The following PARD3 variants were observed in gnomAD, a reference collection of about 807,000 sequenced individuals.
The protein encoded by PARD3 is partitioning defective 3 homolog.
In PARD3, 75 loss-of-function variants were observed where a neutral mutation model predicts 155.4. The observed-to-expected ratio is 0.48, with a 90% CI of 0.40 to 0.58. PARD3 has a LOEUF of 0.58. PARD3 is among the 20% of genes least tolerant of loss of function. The pLI, the probability that PARD3 is intolerant of heterozygous loss-of-function variation, is 0.00. For missense variants in PARD3, 1,642 were observed against 1,721.7 expected (o/e 0.95, Z 0.82); for synonymous variants, 576 against 610.5 (o/e 0.94, Z 0.83).
chr10:34,690,141 G>A (rs1270702210), intron 2 of PARD3, among the ~76,000 whole-genome samples: 5 of 151,986 alleles, frequency 3.3e-5, no homozygotes, highest in South Asian at 2.1e-4. Flanking sequence ...ATGGGATTTC[G>A]CCATGCTGGC....
At chr10:34,351,005 G>C (rs1024915797) in intron 14 of PARD3, among the ~76,000 whole-genome samples, 2 of 152,224 alleles carry the variant, frequency 1.3e-5, no homozygotes, top group East Asian at 1.9e-4. Flanking sequence ...TATCCCAAAG[G>C]AAATAATAAG....
At chr10:34,540,202 A>G (rs1475145013) in intron 2 of PARD3, among the ~76,000 whole-genome samples, 6 of 152,126 alleles carry the variant, frequency 3.9e-5, no homozygotes, top group Non-Finnish European at 7.4e-5. Context: ...CACGCATTAG[A>G]GCAGGATTGC....
intron 21 of PARD3, 104 bp downstream of exon 21, chr10:34,284,031 A>C: frequency 1.4e-6 from 1 of 699,472 alleles, no homozygotes; most frequent in Non-Finnish European, 2.5e-6. Flanking sequence ...GGAAATATGA[A>C]GAGTAATTAA....
chr10:34,541,661 C>G (rs766517495), intron 2 of PARD3, among the ~76,000 whole-genome samples: 1 of 152,184 alleles, frequency 6.6e-6, no homozygotes, highest in Non-Finnish European at 1.5e-5. Context: ...TAAACTGCAG[C>G]TAATTTTTAA....
intron 20 of PARD3, among the ~76,000 whole-genome samples, chr10:34,301,182 T>C (rs1957129930): frequency 6.6e-6 from 1 of 152,142 alleles, no homozygotes; most frequent in African/African-American, 2.4e-5. Context: ...GCATCAGAGA[T>C]GCTAGCCACA....
At chr10:34,526,526 T>C (rs1564810626) in intron 2 of PARD3, among the ~76,000 whole-genome samples, 2 of 152,170 alleles carry the variant, frequency 1.3e-5, no homozygotes, top group African/African-American at 4.8e-5. Flanking sequence ...AGAGCTGAGA[T>C]CCTTAGTGGG....
chr10:34,623,160 G>A (rs2091790932), intron 2 of PARD3, among the ~76,000 whole-genome samples: 1 of 152,094 alleles, frequency 6.6e-6, no homozygotes, highest in Non-Finnish European at 1.5e-5. Flanking sequence ...TATAAGCTGG[G>A]CTTCGACAGT....
intron 7 of PARD3, among the ~76,000 whole-genome samples, chr10:34,394,078 C>T (rs995025231): frequency 8.6e-5 from 13 of 152,036 alleles, no homozygotes; most frequent in South Asian, 8.3e-4. Flanking sequence ...CTTCATGATC[C>T]GCCCGCCTCA....
At chr10:34,680,374 C>G (rs2093788318) in intron 2 of PARD3, among the ~76,000 whole-genome samples, 1 of 151,986 alleles carries the variant, frequency 6.6e-6, no homozygotes, top group Non-Finnish European at 1.5e-5. Flanking sequence ...GCCTGGAACA[C>G]ATGGTGAAAC....
intron 20 of PARD3, chr10:34,312,155 C>T (rs1957734258): frequency 2.1e-6 from 2 of 930,768 alleles, no homozygotes; most frequent in East Asian, 5.3e-5. Context: ...AATTTAAACC[C>T]CAAGCTTGAA....
At position 34,696,330 on chromosome 10, in the gene PARD3, G is replaced by T. The variant is rs771053878; in HGVS notation, c.210C>A (p.Asp70Glu). 2 of 1,602,784 alleles carry T rather than the reference G, an allele frequency of 1.2e-6. No individual in the cohort carries two copies. Among genetic ancestry groups the T allele is most frequent in the South Asian group, 1.1e-5 (1 of 90,794 alleles). The stretch of plus-strand genomic sequence containing the variant: ...GACCTGAACTCACTCTGTCTTTATC[G>T]TCTGCTACATCACAAAGAATGTCAT... ...DLDDILCDVA[D>E]DKDRLVAVFD... The change falls in exon 2 of 25, where the codon GAC becomes GAA. Residue 70 changes from aspartate to glutamate, a missense_variant. This residue lies in a region of PARD3 where 38 missense variants were observed against 69.1 expected (regional missense o/e 0.55). Transcript: ENST00000374788.
intron 5 of PARD3, 33 bp from the exon 6 acceptor site, chr10:34,401,950 CTG>C (rs1443426878): frequency 6.7e-7 from 1 of 1,491,914 alleles, no homozygotes; most frequent in Non-Finnish European, 9.4e-7. Flanking sequence ...AAAGTACACT[CTG>C]TGTTAGGTTT....
At chr10:34,787,824 G>A (rs1385247460) in intron 1 of PARD3, among the ~76,000 whole-genome samples, 1 of 150,696 alleles carries the variant, frequency 6.6e-6, no homozygotes, top group East Asian at 1.9e-4. Context: ...TGTTGCCCAG[G>A]CTCTGGTGTA....
intron 22 of PARD3, among the ~76,000 whole-genome samples, chr10:34,132,415 G>C (rs1202690577): frequency 6.7e-6 from 1 of 149,876 alleles, no homozygotes; most frequent in South Asian, 2.1e-4. Context: ...GCTGGCCAGT[G>C]GGGAAAGTGA....
At chr10:34,174,988 A>T (rs1413255437) in intron 22 of PARD3, among the ~76,000 whole-genome samples, 1 of 152,080 alleles carries the variant, frequency 6.6e-6, no homozygotes, top group Admixed American at 6.6e-5. Context: ...AGGCCAATTC[A>T]TTGTATTTTA....
intron 20 of PARD3, among the ~76,000 whole-genome samples, chr10:34,297,551 C>G (rs752435445): frequency 3.3e-5 from 5 of 152,216 alleles, no homozygotes; most frequent in Non-Finnish European, 7.3e-5. Flanking sequence ...TCCTCCATTT[C>G]CAGGTAGCTA....
intron 5 of PARD3, among the ~76,000 whole-genome samples, chr10:34,432,213 C>T (rs925724101): frequency 9.9e-5 from 15 of 151,332 alleles, no homozygotes; most frequent in African/African-American, 3.4e-4. Context: ...AATAGGAAAA[C>T]GCAGAATTGA....
At chr10:34,181,746 C>CG (rs1227086721) in intron 22 of PARD3, among the ~76,000 whole-genome samples, 1 of 152,086 alleles carries the variant, frequency 6.6e-6, no homozygotes, top group Non-Finnish European at 1.5e-5. Context: ...GAAACTTCAT[C>CG]ATTCAGGAAG....
Position 34,514,726 on chromosome 10 carries a change from C to T in PARD3, c.403+2253G>A, listed in dbSNP as rs192285090. Reference sequence around the variant, plus strand: ...AAAAAGAGATATTTGGGGTTTAAAACACCATTTAAATTTTAACACATAAGG... The same window carrying T: ...AAAAAGAGATATTTGGGGTTTAAAATACCATTTAAATTTTAACACATAAGG... On this transcript the variant is annotated intron_variant, in intron 3 of 24. Transcript: ENST00000374788. Among the ~76,000 whole-genome samples, 10 of 152,276 alleles carry T rather than the reference C, an allele frequency of 6.6e-5. No homozygotes were observed. The East Asian group carries it at 1.9e-3, about 29-fold the overall frequency.
Sources: gnomAD v4.1 joint callset for allele counts (sites outside exome capture counted in the v4.1 genomes callset) on GRCh38, gnomAD v4.1.1 for gene constraint, gnomAD v4.1.1 regional missense constraint, MANE v1.5 for transcripts, NCBI Gene and HGNC (gene_info 2026-07-23, HGNC 2026-07-21) for gene names.